The following MTFR1 variants were observed in gnomAD, a reference collection of about 807,000 sequenced individuals.
MTFR1 encodes chondrocyte protein with a poly-proline region.
MTFR1 carries 28 observed loss-of-function variants against 38.8 expected under a neutral mutation model. That is an observed-to-expected ratio of 0.72 (90% CI 0.53 to 0.99). MTFR1 has a LOEUF of 0.99. Among genes scored for constraint, MTFR1 ranks in the 50% least tolerant of loss-of-function variants. The probability of loss-of-function intolerance (pLI) is 0.00; values close to 1 mark genes in which losing one functional copy is unlikely to be tolerated. For missense variants in MTFR1, 358 were observed against 395.5 expected, an observed-to-expected ratio of 0.91 and a Z score of 0.81; for synonymous variants, 145 against 137.0, an observed-to-expected ratio of 1.06 and a Z score of -0.41.
downstream of MTFR1, among the ~76,000 whole-genome samples, chr8:65,712,759 A>G (rs1457063803): frequency 1.3e-5 from 2 of 152,226 alleles, no homozygotes; most frequent in Non-Finnish European, 2.9e-5. Context: ...ACTGTGAGAA[A>G]TAACTGTTGT....
At chr8:65,767,938 G>A (rs957347561) in intron 3 of MTFR1, among the ~76,000 whole-genome samples, 9 of 152,200 alleles carry the variant, frequency 5.9e-5, no homozygotes, top group Non-Finnish European at 8.8e-5. Flanking sequence ...AGTTCCAGAG[G>A]CCAGGACTTG....
intron 3 of MTFR1, chr8:65,745,331 C>T (rs1807625212): frequency 1.2e-6 from 1 of 852,878 alleles, no homozygotes. Flanking sequence ...TAAATGAAAG[C>T]AACGCACCAG....
intron 3 of MTFR1, among the ~76,000 whole-genome samples, chr8:65,751,599 TCTC>T (rs1585870834): frequency 6.6e-6 from 1 of 152,264 alleles, no homozygotes; most frequent in Non-Finnish European, 1.5e-5. Flanking sequence ...TTCAAGCAAT[TCTC>T]CTGCCTCAGC....
intron 4 of MTFR1, among the ~76,000 whole-genome samples, chr8:65,695,730 A>G (rs1043508583): frequency 3.9e-5 from 6 of 152,116 alleles, no homozygotes; most frequent in African/African-American, 1.2e-4. Context: ...AGTCTGGAAT[A>G]TATTATGTTT....
rs768063901 is a variant in MTFR1, at chr8:65,693,732, A to T, written c.254A>T (p.Glu85Val). ...GCTGATGTTGGATGGGTAGCCAAAG[A>T]AGAAGGAGAGTGTTCAGCAAGACTA... ...SFADVGWVAK[E>V]EGECSARLRT... is the part of the protein sequence containing the mutation. Residue 85 changes from glutamate to valine, a missense_variant, in exon 4 of 8, where the codon GAA becomes GTA. Coordinates refer to ENST00000262146, the MANE Select transcript of MTFR1 (RefSeq NM_014637.4). 4.3e-6 allele frequency: 7 copies of T among 1,614,114 alleles called. No homozygotes were observed. The South Asian group carries it at 7.7e-5, about 18-fold the overall frequency.
At chr8:65,746,579 C>G (rs1317555264) in intron 3 of MTFR1, among the ~76,000 whole-genome samples, 5 of 152,050 alleles carry the variant, frequency 3.3e-5, no homozygotes, top group African/African-American at 1.2e-4. Flanking sequence ...TAACCTGAAC[C>G]TTTTGTGGAC....
intron 1 of MTFR1, among the ~76,000 whole-genome samples, chr8:65,661,645 A>G (rs1365935623): frequency 6.6e-6 from 1 of 151,988 alleles, no homozygotes; most frequent in East Asian, 1.9e-4. Flanking sequence ...AAATACATAA[A>G]TACATAAATA....
intron 3 of MTFR1, among the ~76,000 whole-genome samples, chr8:65,729,724 G>T (rs1044346804): frequency 8.1e-5 from 12 of 148,220 alleles, no homozygotes; most frequent in Admixed American, 6.7e-4. Flanking sequence ...CACCATGCCT[G>T]ACTTTTTTTT....
intron 3 of MTFR1, among the ~76,000 whole-genome samples, chr8:65,763,603 T>G (rs540721962): frequency 6.6e-6 from 1 of 152,268 alleles, no homozygotes; most frequent in East Asian, 1.9e-4. Flanking sequence ...TGTTATGGGT[T>G]AGGCATATTT....
chr8:65,662,106 T>C (rs978629970), intron 1 of MTFR1, among the ~76,000 whole-genome samples: 19 of 93,998 alleles, frequency 2.0e-4, no homozygotes, highest in Non-Finnish European at 4.3e-4. Context: ...CTTTCCACAG[T>C]CTCCCTCTCC....
intron 2 of MTFR1, among the ~76,000 whole-genome samples, chr8:65,715,723 C>A (rs1450540323): frequency 2.0e-5 from 3 of 146,776 alleles, no homozygotes; most frequent in African/African-American, 5.0e-5. Flanking sequence ...CGGTGGCTCA[C>A]GCCTGTAATC....
chr8:65,762,993 G>A (rs1808585239), intron 3 of MTFR1, among the ~76,000 whole-genome samples: 3 of 20,592 alleles, frequency 1.5e-4, no homozygotes, highest in African/African-American at 6.0e-4. Context: ...TAAAAACAAT[G>A]TGTGTGTGTG....
intron 3 of MTFR1, among the ~76,000 whole-genome samples, chr8:65,731,359 G>A (rs1160123579): frequency 6.6e-6 from 1 of 152,238 alleles, no homozygotes; most frequent in African/African-American, 2.4e-5. Flanking sequence ...CCAGGGACAA[G>A]TAGAGCAAGG....
intron 3 of MTFR1, among the ~76,000 whole-genome samples, chr8:65,684,113 C>G (rs772607196): frequency 6.6e-6 from 1 of 152,130 alleles, no homozygotes; most frequent in East Asian, 1.9e-4. Context: ...CTGATTGCAA[C>G]CCCCAGGTCT....
chr8:65,733,934 A>T (rs1346945298), intron 3 of MTFR1, among the ~76,000 whole-genome samples: 2 of 152,218 alleles, frequency 1.3e-5, no homozygotes, highest in Non-Finnish European at 2.9e-5. Context: ...GGATAGGCAG[A>T]CATAATTGCA....
intron 1 of MTFR1, among the ~76,000 whole-genome samples, chr8:65,661,719 T>C (rs1045772638): frequency 1.3e-5 from 2 of 151,630 alleles, no homozygotes; most frequent in African/African-American, 4.9e-5. Context: ...ATCCTAGCAC[T>C]TTGGGAAGCC....
intron 4 of MTFR1, among the ~76,000 whole-genome samples, chr8:65,697,796 C>T (rs1805489224): frequency 6.6e-6 from 1 of 152,122 alleles, no homozygotes; most frequent in Non-Finnish European, 1.5e-5. Context: ...TGATGTTAAA[C>T]ATCTTTTTAT....
intron 3 of MTFR1, chr8:65,727,291 GA>G (rs1563472014): frequency 6.2e-7 from 1 of 1,612,028 alleles, no homozygotes; most frequent in Non-Finnish European, 8.5e-7. Context: ...AGGAGTTACA[GA>G]ATTGGCAAGC....
chr8:65,702,680 G>A (rs1317499823), intron 4 of MTFR1, among the ~76,000 whole-genome samples: 1 of 152,108 alleles, frequency 6.6e-6, no homozygotes, highest in African/African-American at 2.4e-5. Context: ...AAAAGATGAG[G>A]GAGGGTCAGT....
Sources: allele counts gnomAD v4.1 joint callset (sites outside exome capture counted in the v4.1 genomes callset), GRCh38; gene constraint gnomAD v4.1.1; transcripts MANE v1.5; gene names NCBI Gene and HGNC (gene_info 2026-07-23, HGNC 2026-07-21).